SCNN1G: variants seen among roughly 807,000 people sequenced by gnomAD.
SCNN1G encodes the protein epithelial sodium channel subunit gamma.
In SCNN1G, 27 loss-of-function variants were observed where a neutral mutation model predicts 64.6. That is an observed-to-expected ratio of 0.42 (90% CI 0.31 to 0.58). The LOEUF (loss-of-function observed/expected upper bound fraction) is 0.58. Ranked by LOEUF, SCNN1G falls within the 20% of genes least tolerant of loss-of-function variation. SCNN1G has a pLI of 0.18. For synonymous variants in SCNN1G, 330 were observed against 314.2 expected, an observed-to-expected ratio of 1.05 and a Z score of -0.53; for missense variants, 743 against 823.4, an observed-to-expected ratio of 0.90 and a Z score of 1.19.
chr16:23,208,836 A>C (rs990471188), intron 6 of SCNN1G, among the ~76,000 whole-genome samples: 1 of 151,538 alleles, frequency 6.6e-6, no homozygotes. Flanking sequence ...CCCTGGACTC[A>C]AGGAATCCTC....
intron 6 of SCNN1G, 34 bp from the exon 7 acceptor site, chr16:23,209,716 G>A (rs765831548): frequency 4.2e-5 from 64 of 1,530,760 alleles, no homozygotes; most frequent in Non-Finnish European, 5.5e-5. Context: ...TCCGGGGGGA[G>A]GACAGGGCTG....
intron 6 of SCNN1G, among the ~76,000 whole-genome samples, chr16:23,202,264 GTGGATGGATGGATGGA>G (rs766730532): frequency 5.3e-4 from 52 of 98,602 alleles, no homozygotes; most frequent in Admixed American, 8.0e-4. Flanking sequence ...GGGTGGGTGG[GTGGATGGATGGATGGA>G]TGGATGGATG....
At chr16:23,184,133 T>C (rs1368868673) in intron 1 of SCNN1G, among the ~76,000 whole-genome samples, 2 of 152,214 alleles carry the variant, frequency 1.3e-5, no homozygotes, top group African/African-American at 4.8e-5. Flanking sequence ...GAAGTTGAAA[T>C]ATTATTTATA....
At chr16:23,187,882 G>A (rs532030917) in intron 2 of SCNN1G, among the ~76,000 whole-genome samples, 1 of 152,252 alleles carries the variant, frequency 6.6e-6, no homozygotes, top group African/African-American at 2.4e-5. Context: ...AAGAAGAACA[G>A]GGGAGAAAGA....
intron 5 of SCNN1G, among the ~76,000 whole-genome samples, chr16:23,194,577 G>T (rs1959765392): frequency 6.6e-6 from 1 of 152,208 alleles, no homozygotes; most frequent in Admixed American, 6.5e-5. Flanking sequence ...GGTGAGTAAT[G>T]CAGGACAGGT....
chr16:23,189,521 C>T lies in SCNN1G; in HGVS notation c.468C>T (p.His156=). The T allele has an allele frequency of 6.2e-7, 1 of 1,614,244 alleles. No homozygotes were observed. The highest frequency in any genetic ancestry group is 8.5e-7 in the Non-Finnish European group (1 of 1,180,044). The change falls in exon 3 of 13, where the codon CAC becomes CAT. Residue 156 remains histidine (H), a synonymous_variant. Transcript: ENST00000300061. ...VSEGKQPRFS[H]RIPLLIFDQD... ...AGGGAAAGCAGCCTAGATTCTCCCACCGGATTCCGCTGCTGATCTTTGATC... is the reference window on the plus strand; with the variant it reads ...AGGGAAAGCAGCCTAGATTCTCCCATCGGATTCCGCTGCTGATCTTTGATC...
At chr16:23,186,198 C>G (rs1465487196) in intron 1 of SCNN1G, 30 bp from the exon 2 acceptor site, 2 of 1,470,494 alleles carry the variant, frequency 1.4e-6, no homozygotes, top group African/African-American at 2.8e-5. Context: ...TGCCTGCCAG[C>G]TCACCTGCTT....
intron 7 of SCNN1G, 24 bp downstream of exon 7, chr16:23,209,872 A>C: frequency 6.4e-7 from 1 of 1,556,100 alleles, no homozygotes; most frequent in Non-Finnish European, 8.9e-7. Flanking sequence ...AGGGGCACCC[A>C]GCCCTGGGTT....
chr16:23,207,690 A>G (rs1386871654), intron 6 of SCNN1G, among the ~76,000 whole-genome samples: 1 of 152,190 alleles, frequency 6.6e-6, no homozygotes, highest in Admixed American at 6.5e-5. Flanking sequence ...CCAGACAGCC[A>G]CTTTCCCCTT....
intron 3 of SCNN1G, among the ~76,000 whole-genome samples, chr16:23,190,831 ATTTTTTTTTTTTT>A (rs896029487): frequency 1.1e-4 from 6 of 56,234 alleles, no homozygotes; most frequent in East Asian, 1.4e-3. Context: ...ATTTGAGGGG[ATTTTTTTTTTTTT>A]TTTTTTTTTT....
At chr16:23,192,764 A>C (rs1959729834) in intron 4 of SCNN1G, among the ~76,000 whole-genome samples, 1 of 152,000 alleles carries the variant, frequency 6.6e-6, no homozygotes, top group Non-Finnish European at 1.5e-5. Flanking sequence ...TCATTAAACT[A>C]CTCATTAAAA....
chr16:23,209,920 T>A, intron 7 of SCNN1G, 72 bp downstream of exon 7: 7 of 1,044,580 alleles, frequency 6.7e-6, no homozygotes, highest in Non-Finnish European at 1.0e-5. Flanking sequence ...ATATCTAAGC[T>A]GGGGTGTGGC....
chr16:23,212,002 CA>C (rs1960087130), intron 7 of SCNN1G, 31 bp from the exon 8 acceptor site: 1 of 1,464,206 alleles, frequency 6.8e-7, no homozygotes, highest in East Asian at 2.3e-5. Flanking sequence ...TGAGCAAAGA[CA>C]TGAATGGCAT....
intron 6 of SCNN1G, among the ~76,000 whole-genome samples, chr16:23,197,676 T>G (rs190065496): frequency 5.3e-5 from 8 of 152,172 alleles, no homozygotes; most frequent in Admixed American, 2.0e-4. Context: ...GGTCAAGAGT[T>G]TGAGACCAGC....
At chr16:23,210,804 G>A (rs1960066658) in intron 7 of SCNN1G, among the ~76,000 whole-genome samples, 1 of 152,124 alleles carries the variant, frequency 6.6e-6, no homozygotes, top group Admixed American at 6.5e-5. Flanking sequence ...GACAAAGGTA[G>A]GAAGATCACT....
chr16:23,205,944 C>G (rs1248729827), intron 6 of SCNN1G, among the ~76,000 whole-genome samples: 1 of 152,198 alleles, frequency 6.6e-6, no homozygotes, highest in East Asian at 1.9e-4. Flanking sequence ...CCACCATGCC[C>G]TCAGTGGCTG....
chr16:23,194,411 T>C (rs1959763157), intron 5 of SCNN1G, 137 bp downstream of exon 5: 1 of 700,142 alleles, frequency 1.4e-6, no homozygotes, highest in African/African-American at 1.8e-5. Context: ...TGCCCCTTTT[T>C]CTATCAGTGT....
Position 23,186,456 on chromosome 16 carries a change from C to T in SCNN1G, c.185C>T (p.Thr62Ile). ...CTCCTCTGGATCGGGTTCACACTGA[C>T]TGCCGTGGCCCTCATCCTCTGGCAG... Reference protein sequence around the residue: ...RRLLWIGFTLTAVALILWQCA... With the variant: ...RRLLWIGFTLIAVALILWQCA... Residue 62 changes from threonine to isoleucine, a missense_variant, in exon 2 of 13, where the codon ACT becomes ATT. Transcript: ENST00000300061. 6.2e-7 allele frequency: 1 copy of T among 1,614,222 alleles called. No homozygotes were observed.
chr16:23,198,707 C>T (rs1224778157), intron 6 of SCNN1G, among the ~76,000 whole-genome samples: 4 of 151,816 alleles, frequency 2.6e-5, no homozygotes, highest in Non-Finnish European at 4.4e-5. Context: ...CCATTGCACT[C>T]CAGTCTCGGT....
Sources: gnomAD v4.1 joint callset for allele counts (sites outside exome capture counted in the v4.1 genomes callset) on GRCh38, gnomAD v4.1.1 for gene constraint, MANE v1.5 for transcripts, NCBI Gene and HGNC (gene_info 2026-07-23, HGNC 2026-07-21) for gene names.